Variants in TRIQK observed in about 807,000 individuals in gnomAD.
TRIQK encodes triple QxxK/R motif-containing protein.
In TRIQK, 10 loss-of-function variants were observed where a neutral mutation model predicts 10.8. The ratio of observed to expected loss-of-function variants is 0.92; its 90% CI spans 0.57 to 1.57. The LOEUF is 1.57. TRIQK is among the 40% of genes most tolerant of loss of function. TRIQK has a pLI of 0.00. For missense variants in TRIQK, 107 were observed against 97.7 expected (o/e 1.09, Z -0.40); for synonymous variants, 33 against 33.7 (o/e 0.98, Z 0.07).
At chr8:92,937,316 G>A (rs992574153) in intron 2 of TRIQK, among the ~76,000 whole-genome samples, 1 of 150,844 alleles carries the variant, frequency 6.6e-6, no homozygotes, top group Non-Finnish European at 1.5e-5. Context: ...ACACACACAT[G>A]CACCCAAATG....
chr8:92,917,324 G>C (rs1209759253), intron 2 of TRIQK, among the ~76,000 whole-genome samples: 1 of 151,920 alleles, frequency 6.6e-6, no homozygotes, highest in Non-Finnish European at 1.5e-5. Flanking sequence ...TACTTAGATA[G>C]GTTGGGGCTT....
chr8:93,000,411 C>T (rs1020489384), intron 1 of TRIQK, among the ~76,000 whole-genome samples: 2 of 152,086 alleles, frequency 1.3e-5, no homozygotes, highest in African/African-American at 4.8e-5. Context: ...AACAAGAGAG[C>T]ATGTGGAGGG....
chr8:92,893,081 A>T (rs1391956537), intron 3 of TRIQK, among the ~76,000 whole-genome samples: 2 of 151,902 alleles, frequency 1.3e-5, no homozygotes, highest in African/African-American at 4.8e-5. Flanking sequence ...TCATCGCTAC[A>T]TTCCCTTCAT....
intron 2 of TRIQK, among the ~76,000 whole-genome samples, chr8:92,924,817 G>A (rs1810364235): frequency 6.6e-6 from 1 of 151,770 alleles, no homozygotes; most frequent in Non-Finnish European, 1.5e-5. Flanking sequence ...TTGTCATTGA[G>A]ACAAGTTATT....
intron 2 of TRIQK, chr8:92,941,090 A>G (rs1331785443): frequency 6.6e-6 from 1 of 152,128 alleles, no homozygotes; most frequent in African/African-American, 2.4e-5. Flanking sequence ...ATTTTGAGGC[A>G]GAGTCTCATT....
intron 1 of TRIQK, among the ~76,000 whole-genome samples, chr8:92,990,421 C>T (rs1412588188): frequency 6.6e-6 from 1 of 152,014 alleles, no homozygotes; most frequent in Non-Finnish European, 1.5e-5. Context: ...GTCTATATTA[C>T]TGGTTTTTAA....
At chr8:92,898,639 G>A (rs1454717062) in intron 3 of TRIQK, among the ~76,000 whole-genome samples, 1 of 151,600 alleles carries the variant, frequency 6.6e-6, no homozygotes, top group African/African-American at 2.4e-5. Flanking sequence ...AAGTTAGTAT[G>A]TTGGATTTTT....
chr8:93,000,408 G>A (rs1223895357), intron 1 of TRIQK, among the ~76,000 whole-genome samples: 1 of 152,162 alleles, frequency 6.6e-6, no homozygotes, highest in African/African-American at 2.4e-5. Flanking sequence ...GCCAACAAGA[G>A]AGCATGTGGA....
intron 2 of TRIQK, chr8:92,926,513 T>C (rs907247140): frequency 6.6e-6 from 1 of 152,146 alleles, no homozygotes; most frequent in Non-Finnish European, 1.5e-5. Flanking sequence ...TCTTTAGGGC[T>C]TGTTTCTGAT....
At chr8:93,006,917 C>A (rs1028679467) in intron 1 of TRIQK, among the ~76,000 whole-genome samples, 1 of 152,230 alleles carries the variant, frequency 6.6e-6, no homozygotes, top group African/African-American at 2.4e-5. Flanking sequence ...CAGGCTTAGT[C>A]TTCTCCCTGC....
chr8:92,980,608 AT>A (rs1410157487), intron 1 of TRIQK, among the ~76,000 whole-genome samples: 2 of 152,162 alleles, frequency 1.3e-5, no homozygotes, highest in Admixed American at 6.6e-5. Context: ...AAATTCAGTT[AT>A]TCTACTATCA....
At chr8:92,894,466 T>C (rs1361865464) in intron 3 of TRIQK, among the ~76,000 whole-genome samples, 1 of 152,030 alleles carries the variant, frequency 6.6e-6, no homozygotes, top group Admixed American at 6.6e-5. Flanking sequence ...AAAAACACAG[T>C]TACATAATCT....
intron 2 of TRIQK, chr8:92,941,072 AT>A (rs1035957722): frequency 6.6e-6 from 1 of 151,982 alleles, no homozygotes; most frequent in African/African-American, 2.4e-5. Context: ...TTTATTATTT[AT>A]TTATTTATTT....
At chr8:92,947,001 G>A (rs539087765) in intron 2 of TRIQK, among the ~76,000 whole-genome samples, 2 of 151,308 alleles carry the variant, frequency 1.3e-5, no homozygotes, top group Admixed American at 1.3e-4. Flanking sequence ...TCCTGACCTC[G>A]TGATCCGCCC....
intron 1 of TRIQK, among the ~76,000 whole-genome samples, chr8:92,989,553 T>C (rs1427267728): frequency 6.6e-6 from 1 of 152,188 alleles, no homozygotes; most frequent in African/African-American, 2.4e-5. Context: ...GAGAATCTAA[T>C]ACCTGATGAT....
chr8:92,990,649 G>GGCAAA (rs1395411951), intron 1 of TRIQK, among the ~76,000 whole-genome samples: 1 of 152,094 alleles, frequency 6.6e-6, no homozygotes, highest in Non-Finnish European at 1.5e-5. Context: ...AAGTGCAAAG[G>GGCAAA]GTCAGGGAAC....
At chr8:92,983,499 TG>T (rs1371924159) in intron 1 of TRIQK, among the ~76,000 whole-genome samples, 1 of 152,078 alleles carries the variant, frequency 6.6e-6, no homozygotes, top group Non-Finnish European at 1.5e-5. Flanking sequence ...CCTAGTGTCT[TG>T]AAGATCGCAG....
intron 4 of TRIQK, among the ~76,000 whole-genome samples, chr8:92,887,456 A>G (rs1400433734): frequency 1.3e-5 from 2 of 151,514 alleles, no homozygotes; most frequent in Non-Finnish European, 3.0e-5. Context: ...AAATTTACTC[A>G]TATATTATGA....
At chr8:92,932,833 T>A (rs892001256) in intron 2 of TRIQK, among the ~76,000 whole-genome samples, 4 of 152,304 alleles carry the variant, frequency 2.6e-5, no homozygotes, top group Middle Eastern at 3.4e-3. Context: ...AAATTTTGAT[T>A]CCCAAATTGT....
Sources: gnomAD v4.1 joint callset for allele counts (sites outside exome capture counted in the v4.1 genomes callset) on GRCh38, gnomAD v4.1.1 for gene constraint, MANE v1.5 for transcripts, NCBI Gene and HGNC (gene_info 2026-07-23, HGNC 2026-07-21) for gene names.